EPS8: variants seen among roughly 807,000 people sequenced by gnomAD.
The protein encoded by EPS8 is epidermal growth factor receptor kinase substrate 8.
EPS8 carries 42 observed loss-of-function variants against 103.8 expected under a neutral mutation model. The observed-to-expected ratio is 0.40, with a 90% CI of 0.32 to 0.52. The LOEUF (loss-of-function observed/expected upper bound fraction) is 0.52. Ranked by LOEUF, EPS8 falls within the 20% of genes least tolerant of loss-of-function variation. The pLI is 0.40. For missense variants in EPS8, 969 were observed against 1,005.1 expected, an observed-to-expected ratio of 0.96 and a Z score of 0.49; for synonymous variants, 344 against 344.6, an observed-to-expected ratio of 1.00 and a Z score of 0.02.
chr12:15,786,406 G>A lies in EPS8; in HGVS notation c.-22+2755C>T, dbSNP rs146312495. On this transcript the variant is annotated intron_variant, in intron 1 of 20. Transcript: ENST00000281172. ...TCTAACAAACTGTCACAGCCAAGAG[G>A]AGCCTAGGGAGACATTACGAGGAAA... 2.4e-3 allele frequency among the ~76,000 whole-genome samples: 369 copies of A among 152,086 alleles called. 2 individuals are homozygous for A. The highest frequency in any genetic ancestry group is 7.8e-3 in the African/African-American group (324 of 41,522).
At chr12:15,682,376 G>A (rs931427712) in intron 2 of EPS8, among the ~76,000 whole-genome samples, 5 of 152,052 alleles carry the variant, frequency 3.3e-5, no homozygotes, top group East Asian at 1.9e-4. Context: ...AACATTAATC[G>A]TAATACATAA....
At chr12:15,649,665 T>C (rs1222671501) in intron 14 of EPS8, among the ~76,000 whole-genome samples, 3 of 152,140 alleles carry the variant, frequency 2.0e-5, no homozygotes, top group Non-Finnish European at 2.9e-5. Flanking sequence ...AAGTAATATG[T>C]TTGCTTTATT....
chr12:15,730,216 T>C (rs1000026198), intron 1 of EPS8, among the ~76,000 whole-genome samples: 2 of 152,170 alleles, frequency 1.3e-5, no homozygotes, highest in Non-Finnish European at 2.9e-5. Flanking sequence ...CACAGAGTCA[T>C]TTACCCATTC....
rs1308523383 is a variant in EPS8, at chr12:15,700,017, G to A, written c.-21-17045C>T. Among the ~76,000 whole-genome samples the A allele has an allele frequency of 1.3e-5, 2 of 152,116 alleles. No individual in the cohort carries two copies. Among genetic ancestry groups the A allele is most frequent in the African/African-American group, 4.8e-5 (2 of 41,428 alleles). On this transcript the variant is annotated intron_variant, in intron 1 of 20. Coordinates refer to ENST00000281172, the MANE Select transcript of EPS8 (RefSeq NM_004447.6). The surrounding 1 kb of genome is among the most constrained non-coding windows in gnomAD (Gnocchi z 5.1). ...AAAAACACAAACATTAGCCGGACGT[G>A]GTGCTACACAACGTGTAGTCGTAGC...
chr12:15,690,848 T>C lies in EPS8; in HGVS notation c.-21-7876A>G, dbSNP rs78898614. 6.6e-3 allele frequency among the ~76,000 whole-genome samples: 1,004 copies of C among 152,254 alleles called. 17 individuals carry two copies. The highest frequency in any genetic ancestry group is 0.023 in the African/African-American group (955 of 41,534). ...CCACAAAGATAAAAATGCACTCTTTTCAAAATAGTATTTTTCATTTATCTT... is the reference window on the plus strand; with the variant it reads ...CCACAAAGATAAAAATGCACTCTTTCCAAAATAGTATTTTTCATTTATCTT... On this transcript the variant is annotated intron_variant, in intron 1 of 20. Transcript: ENST00000281172. The surrounding 1 kb of genome is among the most constrained non-coding windows in gnomAD (Gnocchi z 4.7).
chr12:15,659,376 T>G (rs1945564609), intron 10 of EPS8, among the ~76,000 whole-genome samples: 1 of 151,892 alleles, frequency 6.6e-6, no homozygotes. Context: ...GAACTAGATA[T>G]GAAAATGAAA....
rs1476844388 is a variant in EPS8, at chr12:15,731,526, G to A, written c.-21-48554C>T. ...TAGGCCAGGCTGGTCTCGAACTCCT[G>A]ACTTCAGGTGATCCACCCACCTTGG... On this transcript the variant is annotated intron_variant, in intron 1 of 20. Transcript: ENST00000281172. The surrounding 1 kb of genome is among the most constrained non-coding windows in gnomAD (Gnocchi z 5.1). 6.6e-6 allele frequency among the ~76,000 whole-genome samples: 1 copy of A among 152,096 alleles called. No homozygotes were observed. Among genetic ancestry groups the A allele is most frequent in the Non-Finnish European group, 1.5e-5 (1 of 68,020 alleles).
rs76783561 is a variant in EPS8 at position 15,679,884 on chromosome 12, A to G, written c.136+1342T>C. Among the ~76,000 whole-genome samples the G allele has an allele frequency of 1.3e-3, 193 of 152,330 alleles. 4 individuals carry two copies. In the East Asian group the frequency reaches 0.035, roughly 27 times the overall value. On this transcript the variant is annotated intron_variant, in intron 3 of 20. Coordinates refer to ENST00000281172, the MANE Select transcript of EPS8 (RefSeq NM_004447.6). ...ATAAATATCTGTCTAGAAATGAAAGACTGAATTATTTTATTCTTATCCAAA... is the reference window on the plus strand; with the variant it reads ...ATAAATATCTGTCTAGAAATGAAAGGCTGAATTATTTTATTCTTATCCAAA...
In EPS8 at chr12:15,702,590, GT is replaced by G. The variant is rs1011097801; in HGVS notation, c.-21-19619del. ...TGAAGAAAAAAAATGCATGCTTAAT[GT>G]TTTTACCTATCTCTAAAACATATAT... On this transcript the variant is annotated intron_variant, in intron 1 of 20. Coordinates refer to ENST00000281172, the MANE Select transcript of EPS8 (RefSeq NM_004447.6). This position sits in a 1 kb window ranked among gnomAD's most constrained non-coding sequence, Gnocchi z 5.1. 1.6e-4 allele frequency among the ~76,000 whole-genome samples: 24 copies of G among 151,964 alleles called. No individual in the cohort carries two copies. The highest frequency in any genetic ancestry group is 5.8e-4 in the African/African-American group (24 of 41,442).
chr12:15,621,057 T>C lies in EPS8; in HGVS notation c.*260A>G. The C allele has an allele frequency of 5.9e-6, 2 of 337,748 alleles. No individual in the cohort carries two copies. The highest frequency in any genetic ancestry group is 1.3e-4 in the South Asian group (2 of 15,342). The allele number at this position is 337,748 out of a possible 1,614,324, so 20.9% of individuals were successfully genotyped here. ...CCTGGGATGGGGATAAAATAATTAG[T>C]CTAATTAAGGAAACTTCACCTTGGT... On this transcript the variant is annotated 3_prime_UTR_variant, in exon 21 of 21. Transcript: ENST00000281172.
chr12:15,730,153 C>A (rs757930647), intron 1 of EPS8, among the ~76,000 whole-genome samples: 1 of 152,138 alleles, frequency 6.6e-6, no homozygotes, highest in East Asian at 1.9e-4. Context: ...GTTTTGATAA[C>A]CATATTGATA....
chr12:15,739,511 G>A (rs568987491), intron 1 of EPS8, among the ~76,000 whole-genome samples: 2 of 152,136 alleles, frequency 1.3e-5, no homozygotes, highest in Admixed American at 6.5e-5. Flanking sequence ...GAACAAAAAG[G>A]TGGAGGAAGG....
chr12:15,621,098 T>G lies in EPS8; in HGVS notation c.*219A>C. The G allele has an allele frequency of 2.4e-6, 1 of 420,630 alleles. No homozygotes were observed. The highest frequency in any genetic ancestry group is 4.1e-6 in the Non-Finnish European group (1 of 241,636). 26.1% of individuals were successfully genotyped at this position (420,630 alleles called of 1,614,324 possible). ...TCACCTTGGTAAAGTAAGAAAAATATTTTCCAAGGTCAAAAAATTCAGTTT... is the reference window on the plus strand; with the variant it reads ...TCACCTTGGTAAAGTAAGAAAAATAGTTTCCAAGGTCAAAAAATTCAGTTT... On this transcript the variant is annotated 3_prime_UTR_variant, in exon 21 of 21. Transcript: ENST00000281172.
Position 15,725,136 on chromosome 12 carries a change from C to T in EPS8, c.-21-42164G>A, listed in dbSNP as rs1164500281. Among the ~76,000 whole-genome samples, 4 of 152,020 alleles carry T rather than the reference C, an allele frequency of 2.6e-5. No homozygotes were observed. The highest frequency in any genetic ancestry group is 5.9e-5 in the Non-Finnish European group (4 of 68,012). On this transcript the variant is annotated intron_variant, in intron 1 of 20. Coordinates refer to ENST00000281172, the MANE Select transcript of EPS8 (RefSeq NM_004447.6). This position sits in a 1 kb window ranked among gnomAD's most constrained non-coding sequence, Gnocchi z 4.5. ...ATTCTGCATTCCAATAGGATACCAC[C>T]AGTCCACAGATCTGTGTCAATAAAT...
intron 1 of EPS8, among the ~76,000 whole-genome samples, chr12:15,746,376 T>TA (rs1233084914): frequency 6.6e-6 from 1 of 151,750 alleles, no homozygotes; most frequent in Non-Finnish European, 1.5e-5. Context: ...ACCATAAGCT[T>TA]ACTCTTCAAA....
rs185951197 is a variant in EPS8, at chr12:15,660,582, A to T, written c.937+32T>A. Reference sequence around the variant, plus strand: ...CCCAGCCAGTACTGGAGATCTAACCAGGCATTAGAAGATTAAGAAAATCCA... The same window carrying T: ...CCCAGCCAGTACTGGAGATCTAACCTGGCATTAGAAGATTAAGAAAATCCA... On this transcript the variant is annotated intron_variant, in intron 10 of 20. Transcript: ENST00000281172. 3.1e-5 allele frequency: 32 copies of T among 1,035,994 alleles called. No homozygotes were observed. In the Admixed American group the frequency reaches 3.6e-4, roughly 12 times the overall value. 64.2% of individuals were successfully genotyped at this position (1,035,994 alleles called of 1,614,324 possible).
intron 18 of EPS8, among the ~76,000 whole-genome samples, chr12:15,624,979 C>T (rs1358208487): frequency 6.6e-6 from 1 of 152,162 alleles, no homozygotes; most frequent in Non-Finnish European, 1.5e-5. Context: ...ATAACCCAGC[C>T]TCAAAGGCCA....
At chr12:15,788,740 C>A (rs1466799113) in intron 1 of EPS8, among the ~76,000 whole-genome samples, 1 of 152,212 alleles carries the variant, frequency 6.6e-6, no homozygotes, top group Admixed American at 6.5e-5. Flanking sequence ...AACCCCTCCC[C>A]ATTTGAGGCG....
chr12:15,743,385 C>G (rs1053208634), intron 1 of EPS8, among the ~76,000 whole-genome samples: 1 of 152,204 alleles, frequency 6.6e-6, no homozygotes, highest in African/African-American at 2.4e-5. Context: ...CTACCAATGA[C>G]TTTCTTCACA....
Sources: allele counts gnomAD v4.1 joint callset (sites outside exome capture counted in the v4.1 genomes callset), GRCh38; gene constraint gnomAD v4.1.1; non-coding constraint Gnocchi (gnomAD v3.1); transcripts MANE v1.5; gene names NCBI Gene and HGNC (gene_info 2026-07-23, HGNC 2026-07-21).